PSMB2: variants seen among roughly 807,000 people sequenced by gnomAD.
The protein encoded by PSMB2 is proteasome subunit beta type-2.
PSMB2 carries 13 observed loss-of-function variants against 25.7 expected under a neutral mutation model. The observed-to-expected ratio is 0.51, with a 90% CI of 0.33 to 0.80. The LOEUF is 0.80. Among genes scored for constraint, PSMB2 ranks in the 30% least tolerant of loss-of-function variants. The probability of loss-of-function intolerance (pLI) is 0.02; values close to 1 mark genes in which losing one functional copy is unlikely to be tolerated. For synonymous variants in PSMB2, 87 were observed against 96.2 expected (o/e 0.90, Z 0.56); for missense variants, 202 against 259.0 (o/e 0.78, Z 1.51).
In PSMB2 at chr1:35,629,454, G is replaced by T. The variant is rs12021586; in HGVS notation, c.285+1820C>A. 6.9e-3 allele frequency among the ~76,000 whole-genome samples: 1,050 copies of T among 152,314 alleles called. 16 individuals are homozygous for T. Among genetic ancestry groups the T allele is most frequent in the African/African-American group, 0.021 (876 of 41,570 alleles). ...GAGACAGCTCTAGAATAGCAACAAG[G>T]CTAGAATAAGTAAGGAGGAACAATG... On this transcript the variant is annotated intron_variant, in intron 3 of 5. Transcript: ENST00000373237.
intron 3 of PSMB2, among the ~76,000 whole-genome samples, chr1:35,619,120 T>C (rs1195402956): frequency 1.3e-5 from 2 of 152,258 alleles, no homozygotes; most frequent in African/African-American, 4.8e-5. Flanking sequence ...GTATACCTGT[T>C]TGATGCTGGC....
Position 35,609,241 on chromosome 1 carries a change from C to T in PSMB2, c.448+5G>A, listed in dbSNP as rs201717465. ...CTGCTCCCTCCCTAGAGTATTAATA[C>T]TTACTCGGTGTGTAGTATCGGTCGA... On this transcript the variant is annotated splice_donor_5th_base_variant and intron_variant, in intron 4 of 5. Coordinates refer to ENST00000373237, the MANE Select transcript of PSMB2 (RefSeq NM_002794.5). 1.3e-6 allele frequency: 2 copies of T among 1,586,540 alleles called. No individual in the cohort carries two copies. The highest frequency in any genetic ancestry group is 1.7e-6 in the Non-Finnish European group (2 of 1,164,856).
chr1:35,628,601 ATATATATAT>A (rs1650971822), intron 3 of PSMB2, among the ~76,000 whole-genome samples: 1 of 24,722 alleles, frequency 4.0e-5, no homozygotes, highest in Non-Finnish European at 7.9e-5. Context: ...AAAAAAATAT[ATATATATAT>A]ATATATATAT....
chr1:35,603,496 C>T, intron 5 of PSMB2, 122 bp from the exon 6 acceptor site: 6 of 1,202,094 alleles, frequency 5.0e-6, no homozygotes, highest in Non-Finnish European at 5.8e-6. Context: ...AACTGATATT[C>T]TACTGGAGGC....
At chr1:35,641,274 C>A in intron 1 of PSMB2, 68 bp downstream of exon 1, 2 of 1,589,688 alleles carry the variant, frequency 1.3e-6, no homozygotes, top group Non-Finnish European at 1.7e-6. Flanking sequence ...CTTATTCAAC[C>A]CCCGACAAAC....
intron 3 of PSMB2, among the ~76,000 whole-genome samples, chr1:35,629,020 G>T (rs1651004065): frequency 6.6e-6 from 1 of 152,046 alleles, no homozygotes; most frequent in South Asian, 2.1e-4. Flanking sequence ...CATTATTTTA[G>T]CTTTGTCTGA....
chr1:35,622,005 A>G (rs1002609212), intron 3 of PSMB2, among the ~76,000 whole-genome samples: 1 of 143,672 alleles, frequency 7.0e-6, no homozygotes, highest in Non-Finnish European at 1.5e-5. Flanking sequence ...CAAAAAGAAG[A>G]AAAAAAAAAG....
chr1:35,640,103 T>TACTATACTATA (rs11269632), intron 1 of PSMB2, among the ~76,000 whole-genome samples: 1 of 102,356 alleles, frequency 9.8e-6, no homozygotes, highest in Admixed American at 9.8e-5. Flanking sequence ...TACTATACTA[T>TACTATACTATA]CTATACTAAA....
At chr1:35,631,751 T>C (rs1023307994) in intron 2 of PSMB2, among the ~76,000 whole-genome samples, 1 of 152,212 alleles carries the variant, frequency 6.6e-6, no homozygotes, top group African/African-American at 2.4e-5. Flanking sequence ...CCAGTCACAG[T>C]GGCTCATGCC....
chr1:35,606,330 T>A (rs1650169228), intron 4 of PSMB2, among the ~76,000 whole-genome samples: 1 of 152,152 alleles, frequency 6.6e-6, no homozygotes, highest in Non-Finnish European at 1.5e-5. Flanking sequence ...AACTCTCACA[T>A]CTGATAAATG....
intron 3 of PSMB2, among the ~76,000 whole-genome samples, chr1:35,616,239 C>T (rs1650488043): frequency 6.6e-6 from 1 of 152,188 alleles, no homozygotes; most frequent in Non-Finnish European, 1.5e-5. Flanking sequence ...AATCATGCTG[C>T]CTCCACAAAA....
intron 4 of PSMB2, among the ~76,000 whole-genome samples, chr1:35,606,339 T>C (rs961144825): frequency 2.0e-5 from 3 of 152,088 alleles, no homozygotes; most frequent in Admixed American, 2.0e-4. Context: ...ATCTGATAAA[T>C]GAATTCCATA....
At chr1:35,612,865 G>T (rs1222044693) in intron 3 of PSMB2, among the ~76,000 whole-genome samples, 1 of 152,168 alleles carries the variant, frequency 6.6e-6, no homozygotes, top group Non-Finnish European at 1.5e-5. Context: ...TGTCTTCAAT[G>T]AAGATCTTGT....
chr1:35,640,078 T>C (rs1480774090), intron 1 of PSMB2, among the ~76,000 whole-genome samples: 1 of 151,746 alleles, frequency 6.6e-6, no homozygotes, highest in African/African-American at 2.4e-5. Context: ...TACTATACTA[T>C]ACTATACTAT....
intron 1 of PSMB2, among the ~76,000 whole-genome samples, chr1:35,638,682 G>A (rs994582160): frequency 6.6e-6 from 1 of 152,116 alleles, no homozygotes; most frequent in African/African-American, 2.4e-5. Context: ...GGAGTACTCC[G>A]AGTAACTTAA....
At chr1:35,629,243 T>C (rs976024150) in intron 3 of PSMB2, among the ~76,000 whole-genome samples, 5 of 152,228 alleles carry the variant, frequency 3.3e-5, no homozygotes, top group Non-Finnish European at 5.9e-5. Context: ...CTCCATTTCA[T>C]AGATAAGTAA....
chr1:35,638,620 T>G (rs546730301), intron 1 of PSMB2, among the ~76,000 whole-genome samples: 1 of 152,214 alleles, frequency 6.6e-6, no homozygotes, highest in African/African-American at 2.4e-5. Context: ...ATAATGTAGT[T>G]CGGATTATAC....
chr1:35,618,938 C>A (rs1034488376), intron 3 of PSMB2, among the ~76,000 whole-genome samples: 2 of 152,168 alleles, frequency 1.3e-5, no homozygotes, highest in African/African-American at 2.4e-5. Context: ...TTTATAAATT[C>A]TCATACTATA....
chr1:35,600,819 T>C lies in PSMB2; in HGVS notation c.*2448A>G, dbSNP rs912937054. ...AAGGCAGAGAACCGTATGTCATCCCTGGTGAGGCCTGAATGCAGAATAACA... is the reference window on the plus strand; with the variant it reads ...AAGGCAGAGAACCGTATGTCATCCCCGGTGAGGCCTGAATGCAGAATAACA... On this transcript the variant is annotated 3_prime_UTR_variant, in exon 6 of 6. Coordinates refer to ENST00000373237, the MANE Select transcript of PSMB2 (RefSeq NM_002794.5). 1.9e-5 allele frequency: 19 copies of C among 985,326 alleles called. No homozygotes were observed. Among genetic ancestry groups the C allele is most frequent in the Non-Finnish European group, 2.2e-5 (18 of 829,938 alleles). 61.0% of individuals were successfully genotyped at this position (985,326 alleles called of 1,614,324 possible). A position where few individuals can be genotyped will look rare whatever the true frequency, so the allele number is the denominator to read the frequency against.
Sources: allele counts gnomAD v4.1 joint callset (sites outside exome capture counted in the v4.1 genomes callset), GRCh38; gene constraint gnomAD v4.1.1; transcripts MANE v1.5; gene names NCBI Gene and HGNC (gene_info 2026-07-23, HGNC 2026-07-21).